Variants in UGT2B10 observed in about 807,000 individuals in gnomAD.
UGT2B10 encodes UDP glucuronosyltransferase family 2 member B10.
A neutral mutation model predicts 43.7 loss-of-function variants in UGT2B10; 51 were observed. That is an observed-to-expected ratio of 1.17 (90% CI 0.93 to 1.47). The LOEUF (loss-of-function observed/expected upper bound fraction) is 1.47. Ranked by LOEUF, UGT2B10 falls within the 40% of genes most tolerant of loss-of-function variation. The pLI, the probability that UGT2B10 is intolerant of heterozygous loss-of-function variation, is 0.00. For missense variants in UGT2B10, 696 were observed against 617.7 expected (o/e 1.13, Z -1.34); for synonymous variants, 225 against 209.0 (o/e 1.08, Z -0.66).
intron 2 of UGT2B10, among the ~76,000 whole-genome samples, chr4:68,821,688 A>G (rs1402869485): frequency 1.3e-5 from 2 of 152,258 alleles, no homozygotes; most frequent in East Asian, 1.9e-4. Flanking sequence ...TTGAAAAACT[A>G]CTGGAAAACT....
In UGT2B10 at chr4:68,823,180, G is replaced by A. The variant is rs550191668; in HGVS notation, c.999+778G>A. 2.6e-5 allele frequency among the ~76,000 whole-genome samples: 4 copies of A among 152,228 alleles called. No homozygotes were observed. The South Asian group carries it at 8.3e-4, about 32-fold the overall frequency. ...ACTGGCATATGTGGAGAGTAGGGGA[G>A]TAAAAAGAATGAATTCCAGTCCTGT... On this transcript the variant is annotated intron_variant, in intron 3 of 5. Coordinates refer to ENST00000265403, the MANE Select transcript of UGT2B10 (RefSeq NM_001075.6).
chr4:68,830,963 T>G lies in UGT2B10; in HGVS notation c.*84T>G. 6.7e-7 allele frequency: 1 copy of G among 1,501,400 alleles called. No homozygotes were observed. Among genetic ancestry groups the G allele is most frequent in the Non-Finnish European group, 8.9e-7 (1 of 1,121,068 alleles). The allele number at this position is 1,501,400 out of a possible 1,614,324, so 93.0% of individuals were successfully genotyped here. On this transcript the variant is annotated 3_prime_UTR_variant, in exon 6 of 6. Transcript: ENST00000265403. ...AGCAATAAATATTGTGATGCAAGAT[T>G]TCTTTCTTCCTGTGACAAAAAAAAA... is the stretch of plus-strand genomic sequence containing the variant.
chr4:68,817,958 A>G (rs536370088), intron 1 of UGT2B10, 71 bp from the exon 2 acceptor site: 1 of 1,555,418 alleles, frequency 6.4e-7, no homozygotes, highest in South Asian at 1.3e-5. Context: ...CATTATTCTA[A>G]CCCCTTTCAG....
chr4:68,821,910 C>T (rs994937305), intron 2 of UGT2B10, among the ~76,000 whole-genome samples: 1 of 151,730 alleles, frequency 6.6e-6, no homozygotes, highest in African/African-American at 2.4e-5. Context: ...CCTAGTGGTG[C>T]CACTTTTCCA....
At chr4:68,817,990 C>T (rs1239383581) in intron 1 of UGT2B10, 39 bp from the exon 2 acceptor site, 3 of 1,587,224 alleles carry the variant, frequency 1.9e-6, no homozygotes, top group Non-Finnish European at 2.6e-6. Flanking sequence ...AAGTAATTAT[C>T]TTATGTCATC....
At chr4:68,829,678 G>A (rs920645031) in intron 5 of UGT2B10, among the ~76,000 whole-genome samples, 7 of 151,984 alleles carry the variant, frequency 4.6e-5, no homozygotes, top group African/African-American at 1.7e-4. Flanking sequence ...CTTGGGTATA[G>A]CAAGAAAGAA....
intron 1 of UGT2B10, among the ~76,000 whole-genome samples, chr4:68,817,419 G>A (rs182190130): frequency 2.0e-5 from 3 of 151,726 alleles, no homozygotes; most frequent in African/African-American, 2.4e-5. Context: ...GATTATGGTC[G>A]AGTACAGATC....
intron 5 of UGT2B10, among the ~76,000 whole-genome samples, chr4:68,829,184 C>G (rs899374047): frequency 5.3e-5 from 8 of 151,950 alleles, no homozygotes; most frequent in Non-Finnish European, 1.0e-4. Context: ...TACTACACAG[C>G]AATGGAATTA....
At chr4:68,826,335 C>CT (rs1737772522) in intron 3 of UGT2B10, 75 bp from the exon 4 acceptor site, 1 of 1,466,936 alleles carries the variant, frequency 6.8e-7, no homozygotes, top group African/African-American at 1.4e-5. Flanking sequence ...TTCATTTCTA[C>CT]TCTTTTTACA....
At chr4:68,829,409 T>C (rs539715989) in intron 5 of UGT2B10, among the ~76,000 whole-genome samples, 55 of 152,184 alleles carry the variant, frequency 3.6e-4, no homozygotes, top group African/African-American at 1.2e-3. Flanking sequence ...AAATTGGTAT[T>C]TTTGCCTCAA....
chr4:68,831,717 C>A lies in UGT2B10; in HGVS notation c.*838C>A, dbSNP rs1738108026. Among the ~76,000 whole-genome samples, 1 of 152,022 alleles carries A rather than the reference C, an allele frequency of 6.6e-6. No individual in the cohort carries two copies. The highest frequency in any genetic ancestry group is 1.5e-5 in the Non-Finnish European group (1 of 67,970). Reference sequence around the variant, plus strand: ...AAGCTCTCTTGTTTCTAGTTGTTTTCTTGGTCTTAACTACCCATTATATGC... The same window carrying A: ...AAGCTCTCTTGTTTCTAGTTGTTTTATTGGTCTTAACTACCCATTATATGC... On this transcript the variant is annotated 3_prime_UTR_variant, in exon 6 of 6. Coordinates refer to ENST00000265403, the MANE Select transcript of UGT2B10 (RefSeq NM_001075.6).
chr4:68,829,672 G>A (rs1251755623), intron 5 of UGT2B10, among the ~76,000 whole-genome samples: 1 of 151,878 alleles, frequency 6.6e-6, no homozygotes, highest in South Asian at 2.1e-4. Context: ...GCATGCCTTG[G>A]GTATAGCAAG....
intron 5 of UGT2B10, among the ~76,000 whole-genome samples, chr4:68,830,269 C>T (rs562987541): frequency 4.0e-5 from 6 of 150,206 alleles, no homozygotes; most frequent in Non-Finnish European, 8.9e-5. Context: ...TCTCATATAC[C>T]CCATAAACAT....
intron 4 of UGT2B10, 105 bp downstream of exon 4, chr4:68,826,602 A>C: frequency 7.4e-7 from 1 of 1,350,508 alleles, no homozygotes; most frequent in Middle Eastern, 2.2e-4. Context: ...AGGAAAACAA[A>C]AAAGAACTTC....
At position 68,816,592 on chromosome 4, in the gene UGT2B10, C is replaced by T. The variant is rs184109066; in HGVS notation, c.573C>T (p.Ser191=). 97 of 1,613,012 alleles carry T rather than the reference C, an allele frequency of 6.0e-5. No individual in the cohort carries two copies. The East Asian group carries it at 2.1e-3, about 35-fold the overall frequency. The change falls in exon 1 of 6, where the codon TCC becomes TCT. Residue 191 remains serine, a synonymous_variant. Transcript: ENST00000265403. ...GTGGAGGATTTATTTTCCCTCCTTCCTACGTACCTGTTGTTATGTCAAAAT... is the reference window on the plus strand; with the variant it reads ...GTGGAGGATTTATTTTCCCTCCTTCTTACGTACCTGTTGTTATGTCAAAAT... ...RHSGGFIFPP[S]YVPVVMSKLS... is the part of the protein sequence containing the mutation.
At chr4:68,828,367 T>C (rs559120822) in intron 5 of UGT2B10, among the ~76,000 whole-genome samples, 10 of 152,106 alleles carry the variant, frequency 6.6e-5, no homozygotes, top group Admixed American at 4.6e-4. Flanking sequence ...CATAATTTAG[T>C]TGTTCATTTA....
Position 68,830,979 on chromosome 4 carries a change from C to A in UGT2B10, c.*100C>A, listed in dbSNP as rs1738070631. 2.2e-5 allele frequency: 32 copies of A among 1,434,804 alleles called. No homozygotes were observed. Among genetic ancestry groups the A allele is most frequent in the Middle Eastern group, 1.9e-4 (1 of 5,400 alleles). The allele number at this position is 1,434,804 out of a possible 1,614,324, so 88.9% of individuals were successfully genotyped here. Reference sequence around the variant, plus strand: ...ATGCAAGATTTCTTTCTTCCTGTGACAAAAAAAAATCCTTTCGAAGTCTAC... The same window carrying A: ...ATGCAAGATTTCTTTCTTCCTGTGAAAAAAAAAAATCCTTTCGAAGTCTAC... On this transcript the variant is annotated 3_prime_UTR_variant, in exon 6 of 6. Coordinates refer to ENST00000265403, the MANE Select transcript of UGT2B10 (RefSeq NM_001075.6).
At chr4:68,825,500 C>G (rs1321574027) in intron 3 of UGT2B10, among the ~76,000 whole-genome samples, 8 of 151,878 alleles carry the variant, frequency 5.3e-5, no homozygotes, top group Non-Finnish European at 8.8e-5. Flanking sequence ...CATCCTCCAC[C>G]TTCCAATACA....
At position 68,827,388 on chromosome 4, in the gene UGT2B10, A is replaced by C. The variant is rs749866635; in HGVS notation, c.1147A>C (p.Ile383Leu). ...HGGANGIYEA[I>L]YHGIPMVGIP... Reference sequence around the variant, plus strand: ...TGGAGCCAATGGCATCTATGAGGCAATCTACCATGGGATCCCTATGGTGGG... The same window carrying C: ...TGGAGCCAATGGCATCTATGAGGCACTCTACCATGGGATCCCTATGGTGGG... The change falls in exon 5 of 6, where the codon ATC (isoleucine) becomes CTC (leucine). Residue 383 changes from isoleucine (I) to leucine (L), a missense_variant. Ile to Leu is a conservative substitution (Grantham distance 5). Transcript: ENST00000265403. 2.2e-5 allele frequency: 35 copies of C among 1,613,346 alleles called. No individual in the cohort carries two copies. In the South Asian group the frequency reaches 3.8e-4, roughly 18 times the overall value.
Sources: allele counts gnomAD v4.1 joint callset (sites outside exome capture counted in the v4.1 genomes callset), GRCh38; gene constraint gnomAD v4.1.1; transcripts MANE v1.5; gene names NCBI Gene and HGNC (gene_info 2026-07-23, HGNC 2026-07-21).